The following DLG2 variants were observed in gnomAD, a reference collection of about 807,000 sequenced individuals.
DLG2 encodes discs large MAGUK scaffold protein 2.
A neutral mutation model predicts 132.5 loss-of-function variants in DLG2; 45 were observed. The observed-to-expected ratio is 0.34, with a 90% CI of 0.27 to 0.44. The LOEUF is 0.44. Among genes scored for constraint, DLG2 ranks in the 20% least tolerant of loss-of-function variants. DLG2 has a pLI of 1.00. For synonymous variants in DLG2, 424 were observed against 419.6 expected (o/e 1.01, Z -0.13); for missense variants, 1,045 against 1,196.9 (o/e 0.87, Z 1.87).
intron 7 of DLG2, among the ~76,000 whole-genome samples, chr11:84,394,810 T>G (rs1047535304): frequency 2.0e-5 from 3 of 152,062 alleles, no homozygotes; most frequent in African/African-American, 7.2e-5. Flanking sequence ...TCAGTAGAGA[T>G]GGGGTTTCAC....
chr11:84,224,939 C>T (rs1021797390), intron 8 of DLG2, among the ~76,000 whole-genome samples: 2 of 152,174 alleles, frequency 1.3e-5, no homozygotes, highest in African/African-American at 4.8e-5. Context: ...AAGACAATTT[C>T]TTGCCCTTTA....
At chr11:85,628,211 G>A (rs1193164104), upstream of DLG2, among the ~76,000 whole-genome samples, 4 of 152,172 alleles carry the variant, frequency 2.6e-5, no homozygotes, top group African/African-American at 9.7e-5. Context: ...CAGGGCAAAG[G>A]GGCGAGTTCC....
At chr11:85,215,957 T>G (rs1364490994) in intron 4 of DLG2, among the ~76,000 whole-genome samples, 1 of 151,552 alleles carries the variant, frequency 6.6e-6, no homozygotes, top group Admixed American at 6.6e-5. Context: ...GATCCTAAAT[T>G]CTAGTGAAGA....
At chr11:84,836,374 A>G (rs2079780125) in intron 6 of DLG2, among the ~76,000 whole-genome samples, 1 of 151,726 alleles carries the variant, frequency 6.6e-6, no homozygotes, top group Non-Finnish European at 1.5e-5. Flanking sequence ...TTCCACCACA[A>G]TGATCTTAGA....
At chr11:83,916,164 T>A (rs1196601546) in intron 15 of DLG2, among the ~76,000 whole-genome samples, 1 of 152,162 alleles carries the variant, frequency 6.6e-6, no homozygotes, top group Non-Finnish European at 1.5e-5. Context: ...GGCATTTGGG[T>A]TGTTTCCATA....
At chr11:84,920,123 A>G (rs1325735244) in intron 6 of DLG2, among the ~76,000 whole-genome samples, 1 of 152,238 alleles carries the variant, frequency 6.6e-6, no homozygotes, top group Admixed American at 6.5e-5. Flanking sequence ...ATAGGTAGCA[A>G]AGTAAAACAA....
intron 3 of DLG2, among the ~76,000 whole-genome samples, chr11:85,386,159 T>G (rs908124018): frequency 6.6e-6 from 1 of 152,222 alleles, no homozygotes; most frequent in Non-Finnish European, 1.5e-5. Context: ...CTTTGAAATC[T>G]AAAAAATCAG....
intron 6 of DLG2, among the ~76,000 whole-genome samples, chr11:84,703,868 A>ATATATATATATATG (rs1420065931): frequency 1.7e-5 from 2 of 120,606 alleles, no homozygotes; most frequent in African/African-American, 8.5e-5. Context: ...ATATATATAT[A>ATATATATATATATG]TATATATATA....
intron 6 of DLG2, among the ~76,000 whole-genome samples, chr11:85,075,638 G>A (rs2066434555): frequency 6.6e-6 from 1 of 151,464 alleles, no homozygotes; most frequent in Non-Finnish European, 1.5e-5. Flanking sequence ...GCACACAACT[G>A]CACAATTATA....
chr11:84,744,155 G>C (rs568273689), intron 6 of DLG2, among the ~76,000 whole-genome samples: 37 of 152,204 alleles, frequency 2.4e-4, no homozygotes, highest in Middle Eastern at 3.4e-3. Flanking sequence ...ATATATAGAA[G>C]AGCCCTGAAC....
At chr11:83,481,739 G>C (rs2093126390) in intron 22 of DLG2, among the ~76,000 whole-genome samples, 1 of 152,096 alleles carries the variant, frequency 6.6e-6, no homozygotes, top group South Asian at 2.1e-4. Context: ...TAAAATGAAA[G>C]TCAAGGCACA....
At chr11:85,599,521 T>C (rs2080007833) in intron 2 of DLG2, among the ~76,000 whole-genome samples, 2 of 152,216 alleles carry the variant, frequency 1.3e-5, no homozygotes, top group Admixed American at 1.3e-4. Flanking sequence ...CAGATCTTAC[T>C]TACTAGCTGT....
intron 3 of DLG2, among the ~76,000 whole-genome samples, chr11:85,512,550 T>A (rs1159500843): frequency 1.3e-5 from 2 of 152,114 alleles, no homozygotes; most frequent in African/African-American, 4.8e-5. Context: ...CAGTGCCTAC[T>A]TTACTGTCAC....
At chr11:84,394,008 C>T (rs1432793001) in intron 7 of DLG2, among the ~76,000 whole-genome samples, 1 of 152,094 alleles carries the variant, frequency 6.6e-6, no homozygotes, top group African/African-American at 2.4e-5. Context: ...GCCTCAGCCT[C>T]CCGAGTAGCT....
intron 15 of DLG2, among the ~76,000 whole-genome samples, chr11:83,892,835 G>A (rs1391035176): frequency 1.3e-5 from 2 of 152,040 alleles, no homozygotes; most frequent in African/African-American, 4.8e-5. Context: ...TTACCACCTG[G>A]TATATGCAAG....
chr11:85,242,513 C>A (rs1565205560), intron 4 of DLG2, among the ~76,000 whole-genome samples: 1 of 151,832 alleles, frequency 6.6e-6, no homozygotes, highest in South Asian at 2.1e-4. Flanking sequence ...TTTTCTGGAA[C>A]TCCTGTTACT....
At chr11:83,724,866 T>C (rs2089672668) in intron 18 of DLG2, 3 of 702,494 alleles carry the variant, frequency 4.3e-6, no homozygotes, top group East Asian at 2.7e-5. Flanking sequence ...CACAGCTCTT[T>C]AGCAAGTTTC....
At chr11:83,512,830 G>A (rs1437851232) in intron 21 of DLG2, among the ~76,000 whole-genome samples, 1 of 152,050 alleles carries the variant, frequency 6.6e-6, no homozygotes, top group Non-Finnish European at 1.5e-5. Flanking sequence ...ATGGTTTCCA[G>A]CTTCATCCAT....
chr11:83,647,247 A>G (rs2068487733), intron 18 of DLG2, among the ~76,000 whole-genome samples: 1 of 148,332 alleles, frequency 6.7e-6, no homozygotes, highest in Admixed American at 6.8e-5. Flanking sequence ...TCTGGGAGTG[A>G]AGGGAGGAGT....
Sources: gnomAD v4.1 joint callset for allele counts (sites outside exome capture counted in the v4.1 genomes callset) on GRCh38, gnomAD v4.1.1 for gene constraint, MANE v1.5 for transcripts, NCBI Gene and HGNC (gene_info 2026-07-23, HGNC 2026-07-21) for gene names.